The following WDR47 variants were observed in gnomAD, a reference collection of about 807,000 sequenced individuals.
WDR47 encodes the protein WD repeat-containing protein 47.
In WDR47, 32 loss-of-function variants were observed where a neutral mutation model predicts 97.2. The observed-to-expected ratio is 0.33, with a 90% CI of 0.25 to 0.44. WDR47 has a LOEUF of 0.44. Among genes scored for constraint, WDR47 ranks in the 20% least tolerant of loss-of-function variants. WDR47 has a pLI of 1.00. For synonymous variants in WDR47, 375 were observed against 373.5 expected (o/e 1.00, Z -0.05); for missense variants, 782 against 1,102.3 (o/e 0.71, Z 4.11).
intron 11 of WDR47, 114 bp downstream of exon 11, chr1:108,983,168 A>T: frequency 9.1e-7 from 1 of 1,098,652 alleles, no homozygotes; most frequent in Non-Finnish European, 1.2e-6. Context: ...TGAAAAAATT[A>T]TTCTTTAAGA....
chr1:109,040,585 C>T (rs1022558945), intron 1 of WDR47, among the ~76,000 whole-genome samples: 3 of 152,104 alleles, frequency 2.0e-5, no homozygotes, highest in East Asian at 3.9e-4. Context: ...GGCTTTTTTA[C>T]CTAACAATAT....
chr1:108,977,456 G>C (rs144902422), intron 13 of WDR47, among the ~76,000 whole-genome samples: 1 of 152,138 alleles, frequency 6.6e-6, no homozygotes, highest in African/African-American at 2.4e-5. Flanking sequence ...ACCCGGCCAG[G>C]TGCAACTCCT....
chr1:109,035,882 C>T (rs1039689620), intron 1 of WDR47, among the ~76,000 whole-genome samples: 3 of 151,466 alleles, frequency 2.0e-5, no homozygotes, highest in Non-Finnish European at 2.9e-5. Context: ...TTGCTATTGC[C>T]GGGCCTGTTC....
chr1:109,009,056 G>C (rs573236055), intron 5 of WDR47, among the ~76,000 whole-genome samples: 5 of 152,060 alleles, frequency 3.3e-5, no homozygotes, highest in Admixed American at 2.6e-4. Context: ...CTGCACTCCA[G>C]CCTGGTGACA....
At chr1:109,009,680 G>A (rs1049628176) in intron 5 of WDR47, among the ~76,000 whole-genome samples, 1 of 152,102 alleles carries the variant, frequency 6.6e-6, no homozygotes, top group Non-Finnish European at 1.5e-5. Context: ...GAAAATCTAT[G>A]TAATATATTC....
intron 7 of WDR47, among the ~76,000 whole-genome samples, chr1:109,000,992 A>G (rs1660141286): frequency 6.6e-6 from 1 of 152,028 alleles, no homozygotes; most frequent in Non-Finnish European, 1.5e-5. Context: ...ATTTTATTGA[A>G]TTCTAAACAC....
intron 9 of WDR47, chr1:108,986,987 AC>A: frequency 4.3e-6 from 1 of 235,064 alleles, no homozygotes; most frequent in Non-Finnish European, 9.0e-6. Flanking sequence ...ACTCTGGGAC[AC>A]CAGGTAATAT....
chr1:109,036,483 C>T (rs932910119), intron 1 of WDR47, among the ~76,000 whole-genome samples: 7 of 141,374 alleles, frequency 5.0e-5, no homozygotes, highest in Admixed American at 7.6e-5. Flanking sequence ...TGCAGTGAGC[C>T]GAGATGGCAC....
At chr1:109,033,161 G>C (rs1450914215) in intron 1 of WDR47, among the ~76,000 whole-genome samples, 2 of 152,028 alleles carry the variant, frequency 1.3e-5, no homozygotes, top group Non-Finnish European at 2.9e-5. Flanking sequence ...GGGCACAGTG[G>C]CAGGCACCTG....
intron 5 of WDR47, among the ~76,000 whole-genome samples, chr1:109,005,647 G>A (rs1033976760): frequency 1.3e-5 from 2 of 152,100 alleles, no homozygotes; most frequent in Admixed American, 1.3e-4. Context: ...GGCCGAGGCA[G>A]GCAGATCACG....
At chr1:109,021,805 G>A (rs892708179) in intron 2 of WDR47, among the ~76,000 whole-genome samples, 1 of 151,820 alleles carries the variant, frequency 6.6e-6, no homozygotes, top group Non-Finnish European at 1.5e-5. Flanking sequence ...GGGATTACAG[G>A]CGTAAGCCAC....
At chr1:108,971,846 T>C (rs1305899547) in intron 14 of WDR47, among the ~76,000 whole-genome samples, 4 of 152,132 alleles carry the variant, frequency 2.6e-5, no homozygotes, top group Non-Finnish European at 5.9e-5. Flanking sequence ...TCAGTGCCAC[T>C]TCATCTTTTG....
At chr1:109,012,524 G>C (rs921247571) in intron 4 of WDR47, among the ~76,000 whole-genome samples, 1 of 134,500 alleles carries the variant, frequency 7.4e-6, no homozygotes, top group Non-Finnish European at 1.5e-5. Context: ...AGTGAGCTGA[G>C]ATCGCACCAC....
intron 9 of WDR47, among the ~76,000 whole-genome samples, chr1:108,990,407 C>G (rs1557925671): frequency 6.6e-6 from 1 of 151,972 alleles, no homozygotes; most frequent in Non-Finnish European, 1.5e-5. Flanking sequence ...CGGGGTTTTG[C>G]CATGTTGGCC....
At position 108,983,377 on chromosome 1, in the gene WDR47, A is replaced by C; in HGVS notation, c.2000T>G (p.Val667Gly). ...NKHHKGSIYC[V>G]AWSPCGQLLA... ...TAACTGCCCACAAGGACTCCAGGCC[A>C]CACAGTAAATGGATCCTTTATGATG... Residue 667 changes from valine (V) to glycine (G), a missense_variant, in exon 11 of 15, where the codon GTG becomes GGG. Around this residue, in one of 3 missense-constraint regions of WDR47, gnomAD observed 228 missense variants for 396.7 expected, o/e 0.57. Transcript: ENST00000369962. The C allele has an allele frequency of 6.2e-7, 1 of 1,613,296 alleles. No homozygotes were observed. The highest frequency in any genetic ancestry group is 8.5e-7 in the Non-Finnish European group (1 of 1,179,606).
chr1:109,032,377 G>A (rs1242905910), intron 1 of WDR47, among the ~76,000 whole-genome samples: 3 of 135,144 alleles, frequency 2.2e-5, no homozygotes, highest in Admixed American at 1.6e-4. Context: ...GCGTGGTGAC[G>A]GGCGCCTGTA....
chr1:108,992,779 G>A lies in WDR47; in HGVS notation c.1692-1450C>T, dbSNP rs1659459886. 3.8e-6 allele frequency: 6 copies of A among 1,596,536 alleles called. No individual in the cohort carries two copies. In the East Asian group the frequency reaches 8.9e-5, roughly 24 times the overall value. On this transcript the variant is annotated intron_variant, in intron 8 of 14. Transcript: ENST00000369962. ...CTAAACCAGAAGAGGAGGTTGCCCA[G>A]AAGAAAAGGATATCCCAGAAGAAAC...
chr1:109,004,452 A>G, intron 6 of WDR47, 140 bp downstream of exon 6: 1 of 1,074,652 alleles, frequency 9.3e-7, no homozygotes, highest in Non-Finnish European at 1.2e-6. Context: ...GAGGAGAGAA[A>G]ATAAGCTAAT....
At chr1:108,993,627 T>C (rs536687151) in intron 8 of WDR47, among the ~76,000 whole-genome samples, 1 of 152,206 alleles carries the variant, frequency 6.6e-6, no homozygotes, top group Admixed American at 6.5e-5. Context: ...GTGAGGAAAG[T>C]CCCAGGATTC....
Sources: allele counts gnomAD v4.1 joint callset (sites outside exome capture counted in the v4.1 genomes callset), GRCh38; gene constraint gnomAD v4.1.1; regional missense constraint gnomAD v4.1.1; transcripts MANE v1.5; gene names NCBI Gene and HGNC (gene_info 2026-07-23, HGNC 2026-07-21).